The following OR6C76 variants were observed in gnomAD, a reference collection of about 807,000 sequenced individuals.
OR6C76 encodes the protein olfactory receptor family 6 subfamily C member 76, also known as olfactory receptor 6C76.
For synonymous variants in OR6C76, 140 were observed against 137.8 expected, an observed-to-expected ratio of 1.02 and a Z score of -0.11; for missense variants, 352 against 357.3, an observed-to-expected ratio of 0.99 and a Z score of 0.12.
chr12:55,426,986 G>C lies in OR6C76; in HGVS notation c.733G>C (p.Val245Leu), dbSNP rs747670034. Residue 245 changes from valine to leucine, a missense_variant, in exon 1 of 1, where the codon GTC becomes CTC. Transcript: ENST00000328314. Reference sequence around the variant, plus strand: ...AACCTGCTCCTCACATGTGATTGTTGTCTCTATCTCTTATGGAAGCTGCAT... The same window carrying C: ...AACCTGCTCCTCACATGTGATTGTTCTCTCTATCTCTTATGGAAGCTGCAT... ...FSTCSSHVIV[V>L]SISYGSCIFM... 6.2e-7 allele frequency: 1 copy of C among 1,613,480 alleles called. No individual in the cohort carries two copies. Among genetic ancestry groups the C allele is most frequent in the East Asian group, 2.2e-5 (1 of 44,868 alleles).
chr12:55,427,031 T>C lies in OR6C76; in HGVS notation c.778T>C (p.Ser260Pro). The C allele has an allele frequency of 6.2e-7, 1 of 1,613,544 alleles. No individual in the cohort carries two copies. Among genetic ancestry groups the C allele is most frequent in the Non-Finnish European group, 8.5e-7 (1 of 1,179,716 alleles). The part of the protein sequence containing the change: ...GSCIFMYVKT[S>P]AKEGVALTKG... ...CTGCATCTTCATGTATGTGAAAACA[T>C]CAGCAAAGGAAGGAGTTGCTTTGAC... Residue 260 changes from serine to proline, a missense_variant, in exon 1 of 1, where the codon TCA becomes CCA. By Grantham distance (74) the Ser-to-Pro change is moderately conservative. Transcript: ENST00000328314.
rs747453478 is a variant in OR6C76, at chr12:55,427,000, T to C, written c.747T>C (p.Tyr249=). Residue 249 remains tyrosine, a synonymous_variant, in exon 1 of 1, where the codon TAT becomes TAC. Transcript: ENST00000328314. Reference sequence around the variant, plus strand: ...ATGTGATTGTTGTCTCTATCTCTTATGGAAGCTGCATCTTCATGTATGTGA... The same window carrying C: ...ATGTGATTGTTGTCTCTATCTCTTACGGAAGCTGCATCTTCATGTATGTGA... ...SSHVIVVSIS[Y]GSCIFMYVKT... The C allele has an allele frequency of 6.2e-6, 10 of 1,613,492 alleles. No homozygotes were observed. Among genetic ancestry groups the C allele is most frequent in the East Asian group, 2.2e-5 (1 of 44,870 alleles).
rs78859053 is a variant in OR6C76 at position 55,426,301 on chromosome 12, G to A, written c.48G>A (p.Thr16=). Residue 16 remains threonine (T), a synonymous_variant, in exon 1 of 1, where the codon ACG becomes ACA. Transcript: ENST00000328314. ...CAGATTTCATCCTTCTGGGTCTGACGGATAATCCGCAACTGCAGGTTGTGA... is the reference window on the plus strand; with the variant it reads ...CAGATTTCATCCTTCTGGGTCTGACAGATAATCCGCAACTGCAGGTTGTGA... The part of the protein sequence containing the change: ...SVTDFILLGL[T]DNPQLQVVIF... 9.7e-4 allele frequency: 1,563 copies of A among 1,612,358 alleles called. 13 individuals are homozygous for A. In the African/African-American group the frequency reaches 0.018, roughly 18 times the overall value.
At position 55,426,448 on chromosome 12, in the gene OR6C76, C is replaced by G. The variant is rs139871766; in HGVS notation, c.195C>G (p.Ser65=). ...TPMYFFLRNF[S]LEISFTSVCN... Reference sequence around the variant, plus strand: ...TGTATTTCTTCCTCAGGAATTTCTCCTTGGAAATTTCATTTACTTCTGTCT... The same window carrying G: ...TGTATTTCTTCCTCAGGAATTTCTCGTTGGAAATTTCATTTACTTCTGTCT... Residue 65 remains serine, a synonymous_variant, in exon 1 of 1, where the codon TCC becomes TCG. Coordinates refer to ENST00000328314, the MANE Select transcript of OR6C76 (RefSeq NM_001005183.1). 1.2e-5 allele frequency: 19 copies of G among 1,613,694 alleles called. No individual in the cohort carries two copies. The African/African-American group carries it at 2.1e-4, about 18-fold the overall frequency.
Position 55,426,925 on chromosome 12 carries a change from A to G in OR6C76, c.672A>G (p.Arg224=). 6.2e-7 allele frequency: 1 copy of G among 1,613,530 alleles called. No individual in the cohort carries two copies. Among genetic ancestry groups the G allele is most frequent in the Non-Finnish European group, 8.5e-7 (1 of 1,179,716 alleles). ...SYTYIIRTIL[R]IPSAQQRKKA... ...CTTACATCATCAGAACTATTCTGAG[A>G]ATCCCCTCAGCACAGCAAAGAAAAA... is the stretch of plus-strand genomic sequence containing the variant. Residue 224 remains arginine, a synonymous_variant, in exon 1 of 1, where the codon AGA becomes AGG. Coordinates refer to ENST00000328314, the MANE Select transcript of OR6C76 (RefSeq NM_001005183.1).
In OR6C76 at chr12:55,427,131, A is replaced by C; in HGVS notation, c.878A>C (p.Gln293Pro). The change falls in exon 1 of 1, where the codon CAG becomes CCG. Residue 293 changes from glutamine to proline, a missense_variant. By Grantham distance (76) the Gln-to-Pro change is moderately conservative. Coordinates refer to ENST00000328314, the MANE Select transcript of OR6C76 (RefSeq NM_001005183.1). ...TTTATTTACACTCTAAGAAACCAGC[A>C]GGTGAAACAAGCATTTAAGGATGTT... ...NPFIYTLRNQQVKQAFKDVLR... is the reference protein window; with the variant it reads ...NPFIYTLRNQPVKQAFKDVLR... 1 of 1,602,956 alleles carries C rather than the reference A, an allele frequency of 6.2e-7. No homozygotes were observed. Among genetic ancestry groups the C allele is most frequent in the Non-Finnish European group, 8.5e-7 (1 of 1,174,188 alleles).
At position 55,426,349 on chromosome 12, in the gene OR6C76, G is replaced by A. The variant is rs143110732; in HGVS notation, c.96G>A (p.Thr32=). 1.8e-5 allele frequency: 29 copies of A among 1,613,242 alleles called. No individual in the cohort carries two copies. The highest frequency in any genetic ancestry group is 4.4e-5 in the South Asian group (4 of 91,046). The change falls in exon 1 of 1, where the codon ACG becomes ACA. Residue 32 remains threonine (T), a synonymous_variant. Transcript: ENST00000328314. ...TGATTTTCTCGTTCCTATTTCTTAC[G>A]TATGTACTGAGTGTTACTGGAAATC... The part of the protein sequence containing the change: ...QVVIFSFLFL[T]YVLSVTGNLT...
In OR6C76 at chr12:55,426,812, A is replaced by G. The variant is rs1448091161; in HGVS notation, c.559A>G (p.Thr187Ala). 9 of 1,613,618 alleles carry G rather than the reference A, an allele frequency of 5.6e-6. No individual in the cohort carries two copies. Among genetic ancestry groups the G allele is most frequent in the Non-Finnish European group, 7.6e-6 (9 of 1,179,810 alleles). The change falls in exon 1 of 1, where the codon ACA becomes GCA. Residue 187 changes from threonine to alanine, a missense_variant. Thr to Ala is a moderately conservative substitution (Grantham distance 58). Coordinates refer to ENST00000328314, the MANE Select transcript of OR6C76 (RefSeq NM_001005183.1). Reference sequence around the variant, plus strand: ...TGCTCCTTTGCTGCAAATCTCTTGCACAGACACAAGTACTCTAGAGCTCAT... The same window carrying G: ...TGCTCCTTTGCTGCAAATCTCTTGCGCAGACACAAGTACTCTAGAGCTCAT... ...DSAPLLQISC[T>A]DTSTLELMSF...
rs1339832639 is a variant in OR6C76, at chr12:55,426,788, G to A, written c.535G>A (p.Ala179Thr). 1 of 1,613,344 alleles carries A rather than the reference G, an allele frequency of 6.2e-7. No homozygotes were observed. The highest frequency in any genetic ancestry group is 1.7e-5 in the Admixed American group (1 of 59,940). Reference protein sequence around the residue: ...NVIDHFTCDSAPLLQISCTDT... With the variant: ...NVIDHFTCDSTPLLQISCTDT... ...CATTGACCACTTTACCTGTGACTCT[G>A]CTCCTTTGCTGCAAATCTCTTGCAC... The change falls in exon 1 of 1, where the codon GCT becomes ACT. Residue 179 changes from alanine (A) to threonine (T), a missense_variant. Ala to Thr is a moderately conservative substitution (Grantham distance 58, BLOSUM62 0). Transcript: ENST00000328314.
Position 55,427,044 on chromosome 12 carries a change from G to T in OR6C76, c.791G>T (p.Gly264Val). 1 of 1,613,350 alleles carries T rather than the reference G, an allele frequency of 6.2e-7. No homozygotes were observed. The highest frequency in any genetic ancestry group is 8.5e-7 in the Non-Finnish European group (1 of 1,179,610). Residue 264 changes from glycine to valine, a missense_variant, in exon 1 of 1, where the codon GGA becomes GTA. By Grantham distance (109) the Gly-to-Val change is moderately radical. Coordinates refer to ENST00000328314, the MANE Select transcript of OR6C76 (RefSeq NM_001005183.1). ...TATGTGAAAACATCAGCAAAGGAAG[G>T]AGTTGCTTTGACAAAAGGAGTAGCT... ...FMYVKTSAKE[G>V]VALTKGVAIL...
In OR6C76 at chr12:55,426,483, G is replaced by C; in HGVS notation, c.230G>C (p.Arg77Thr). The part of the protein sequence containing the change: ...EISFTSVCNP[R>T]FLISILTGDK... ...TCATTTACTTCTGTCTGTAATCCTA[G>C]ATTTCTGATCAGCATTCTAACAGGG... Residue 77 changes from arginine (R) to threonine (T), a missense_variant, in exon 1 of 1, where the codon AGA becomes ACA. Coordinates refer to ENST00000328314, the MANE Select transcript of OR6C76 (RefSeq NM_001005183.1). 1 of 1,613,750 alleles carries C rather than the reference G, an allele frequency of 6.2e-7. No individual in the cohort carries two copies. The highest frequency in any genetic ancestry group is 8.5e-7 in the Non-Finnish European group (1 of 1,179,814).
At position 55,426,999 on chromosome 12, in the gene OR6C76, A is replaced by G. The variant is rs1369118000; in HGVS notation, c.746A>G (p.Tyr249Cys). ...SSHVIVVSIS[Y>C]GSCIFMYVKT... ...CATGTGATTGTTGTCTCTATCTCTT[A>G]TGGAAGCTGCATCTTCATGTATGTG... Residue 249 changes from tyrosine to cysteine, a missense_variant, in exon 1 of 1, where the codon TAT (tyrosine) becomes TGT (cysteine). By Grantham distance (194) the Tyr-to-Cys change is radical (BLOSUM62 -2). Coordinates refer to ENST00000328314, the MANE Select transcript of OR6C76 (RefSeq NM_001005183.1). The G allele has an allele frequency of 6.2e-7, 1 of 1,613,478 alleles. No individual in the cohort carries two copies. The highest frequency in any genetic ancestry group is 8.5e-7 in the Non-Finnish European group (1 of 1,179,744).
Position 55,426,348 on chromosome 12 carries a change from C to CGTAT in OR6C76, c.99_102dup (p.Leu35CysfsTer42), listed in dbSNP as rs1402596985. ...GTGATTTTCTCGTTCCTATTTCTTACGTATGTACTGAGTGTTACTGGAAAT... is the reference window on the plus strand; with the variant it reads ...GTGATTTTCTCGTTCCTATTTCTTACGTATGTATGTACTGAGTGTTACTGGAAAT... On this transcript the variant is annotated frameshift_variant, in exon 1 of 1. Coordinates refer to ENST00000328314, the MANE Select transcript of OR6C76 (RefSeq NM_001005183.1). LOFTEE classifies it low-confidence loss of function (END_TRUNC). 1 of 1,612,982 alleles carries CGTAT rather than the reference C, an allele frequency of 6.2e-7. No homozygotes were observed. Among genetic ancestry groups the CGTAT allele is most frequent in the Admixed American group, 1.7e-5 (1 of 59,912 alleles).
At position 55,426,395 on chromosome 12, in the gene OR6C76, C is replaced by CT. The variant is rs867171596; in HGVS notation, c.143dup (p.Leu49AlafsTer27). ...AAATCTAACTATCATCTCCCTTACC[C>CT]TGCTGGATTCCCACCTGAAGACCCC... is the stretch of plus-strand genomic sequence containing the variant. On this transcript the variant is annotated frameshift_variant, in exon 1 of 1. Coordinates refer to ENST00000328314, the MANE Select transcript of OR6C76 (RefSeq NM_001005183.1). LOFTEE classifies it low-confidence loss of function (END_TRUNC). 2 of 1,613,666 alleles carry CT rather than the reference C, an allele frequency of 1.2e-6. No homozygotes were observed. Among genetic ancestry groups the CT allele is most frequent in the African/African-American group, 2.7e-5 (2 of 74,890 alleles).
At position 55,426,433 on chromosome 12, in the gene OR6C76, C is replaced by T. The variant is rs997750079; in HGVS notation, c.180C>T (p.Phe60=). 1 of 1,613,782 alleles carries T rather than the reference C, an allele frequency of 6.2e-7. No homozygotes were observed. The highest frequency in any genetic ancestry group is 8.5e-7 in the Non-Finnish European group (1 of 1,179,836). The change falls in exon 1 of 1, where the codon TTC becomes TTT. Residue 60 remains phenylalanine (F), a synonymous_variant. Coordinates refer to ENST00000328314, the MANE Select transcript of OR6C76 (RefSeq NM_001005183.1). ...ACCTGAAGACCCCCATGTATTTCTT[C>T]CTCAGGAATTTCTCCTTGGAAATTT... ...DSHLKTPMYF[F]LRNFSLEISF...
rs901595873 is a variant in OR6C76 at position 55,426,706 on chromosome 12, G to C, written c.453G>C (p.Leu151Phe). Residue 151 changes from leucine to phenylalanine, a missense_variant, in exon 1 of 1, where the codon TTG becomes TTC. Coordinates refer to ENST00000328314, the MANE Select transcript of OR6C76 (RefSeq NM_001005183.1). ...LIISSWLAGF[L>F]VIFPPLAMGL... Reference sequence around the variant, plus strand: ...TCAGCTCTTGGCTGGCTGGTTTCTTGGTAATTTTTCCACCACTGGCCATGG... The same window carrying C: ...TCAGCTCTTGGCTGGCTGGTTTCTTCGTAATTTTTCCACCACTGGCCATGG... The C allele has an allele frequency of 1.2e-6, 2 of 1,613,404 alleles. No individual in the cohort carries two copies. Among genetic ancestry groups the C allele is most frequent in the Non-Finnish European group, 1.7e-6 (2 of 1,179,812 alleles).
chr12:55,426,732 G>C lies in OR6C76; in HGVS notation c.479G>C (p.Gly160Ala), dbSNP rs776245239. ...GTAATTTTTCCACCACTGGCCATGGGCTTACAGCTGGATTTCTGTGACTCC... is the reference window on the plus strand; with the variant it reads ...GTAATTTTTCCACCACTGGCCATGGCCTTACAGCTGGATTTCTGTGACTCC... The part of the protein sequence containing the change: ...FLVIFPPLAM[G>A]LQLDFCDSNV... Residue 160 changes from glycine to alanine, a missense_variant, in exon 1 of 1, where the codon GGC becomes GCC. Coordinates refer to ENST00000328314, the MANE Select transcript of OR6C76 (RefSeq NM_001005183.1). 3 of 1,613,262 alleles carry C rather than the reference G, an allele frequency of 1.9e-6. No homozygotes were observed. The East Asian group carries it at 6.7e-5, about 36-fold the overall frequency.
rs756990475 is a variant in OR6C76 at position 55,426,783 on chromosome 12, ACT to A, written c.533_534del (p.Ser178CysfsTer121). 1.9e-6 allele frequency: 3 copies of A among 1,613,378 alleles called. No individual in the cohort carries two copies. The highest frequency in any genetic ancestry group is 2.2e-5 in the East Asian group (1 of 44,868). The stretch of plus-strand genomic sequence containing the variant: ...AATGTCATTGACCACTTTACCTGTG[ACT>A]CTGCTCCTTTGCTGCAAATCTCTTG... On this transcript the variant is annotated frameshift_variant, in exon 1 of 1. Transcript: ENST00000328314. LOFTEE classifies it low-confidence loss of function (END_TRUNC).
Position 55,426,303 on chromosome 12 carries a change from A to T in OR6C76, c.50A>T (p.Asp17Val). ...GATTTCATCCTTCTGGGTCTGACGG[A>T]TAATCCGCAACTGCAGGTTGTGATT... ...VTDFILLGLTDNPQLQVVIFS... is the reference protein window; with the variant it reads ...VTDFILLGLTVNPQLQVVIFS... Residue 17 changes from aspartate (D) to valine (V), a missense_variant, in exon 1 of 1, where the codon GAT (aspartate) becomes GTT (valine). Physicochemically the swap from Asp to Val is radical, Grantham distance 152. Transcript: ENST00000328314. The T allele has an allele frequency of 6.2e-7, 1 of 1,612,654 alleles. No individual in the cohort carries two copies. The highest frequency in any genetic ancestry group is 8.5e-7 in the Non-Finnish European group (1 of 1,179,356).
Sources: allele counts gnomAD v4.1 joint callset, GRCh38; gene constraint gnomAD v4.1.1; transcripts MANE v1.5; gene names NCBI Gene and HGNC (gene_info 2026-07-23, HGNC 2026-07-21).